The following HELZ variants were observed in gnomAD, a reference collection of about 807,000 sequenced individuals.
HELZ encodes the protein helicase with zinc finger, also known as ATP-dependent RNA helicase with zinc finger domain.
A neutral mutation model predicts 218.2 loss-of-function variants in HELZ; 23 were observed. The ratio of observed to expected loss-of-function variants is 0.11; its 90% CI spans 0.08 to 0.15. HELZ has a LOEUF of 0.15. Ranked by LOEUF, HELZ falls within the 10% of genes least tolerant of loss-of-function variation. HELZ has a pLI of 1.00. For missense variants in HELZ, 1,813 were observed against 2,353.7 expected (o/e 0.77, Z 4.75); for synonymous variants, 814 against 829.4 (o/e 0.98, Z 0.32).
Position 67,123,160 on chromosome 17 carries a change from A to C in HELZ, c.3440T>G (p.Val1147Gly). ...QNDHFQNDGIVQPNPSVLIGN... is the reference protein window; with the variant it reads ...QNDHFQNDGIGQPNPSVLIGN... ...AATAAGTACAGAAGGATTGGGCTGA[A>C]CTGAAAAATAAACAGAAAAAGGATG... is the stretch of plus-strand genomic sequence containing the variant. The change falls in exon 26 of 33, where the codon GTT (valine) becomes GGT (glycine). Residue 1147 changes from valine to glycine, a missense_variant and splice_region_variant. By Grantham distance (109) the Val-to-Gly change is moderately radical. Coordinates refer to ENST00000358691, the MANE Select transcript of HELZ (RefSeq NM_014877.4). The C allele has an allele frequency of 6.2e-7, 1 of 1,602,442 alleles. No individual in the cohort carries two copies. Among genetic ancestry groups the C allele is most frequent in the Non-Finnish European group, 8.5e-7 (1 of 1,171,688 alleles).
In HELZ at chr17:67,123,133, C is replaced by CCAA. The variant is rs1359854035; in HGVS notation, c.3464_3466dup (p.Ile1155_Gly1156insVal). The CCAA allele has an allele frequency of 6.2e-7, 1 of 1,612,772 alleles. No homozygotes were observed. Reference sequence around the variant, plus strand: ...AGGAGTATATGCTCTAATAGGATTGCCAATAAGTACAGAAGGATTGGGCTG... The same window carrying CCAA: ...AGGAGTATATGCTCTAATAGGATTGCCAACAATAAGTACAGAAGGATTGGGCTG... On this transcript the variant is annotated inframe_insertion, in exon 26 of 33. Coordinates refer to ENST00000358691, the MANE Select transcript of HELZ (RefSeq NM_014877.4).
At chr17:67,208,601 C>CT (rs953877456) in intron 5 of HELZ, among the ~76,000 whole-genome samples, 43 of 151,962 alleles carry the variant, frequency 2.8e-4, no homozygotes, top group African/African-American at 8.2e-4. Flanking sequence ...TAGTTTGTAA[C>CT]TGGATCTAAC....
rs1174693903 is a variant in HELZ, at chr17:67,077,291, A to C, written c.*961T>G. The stretch of plus-strand genomic sequence containing the variant: ...CATCAAATAAGGTACCAAAATTTTT[A>C]CTGGAGAGAAAAAAACCCAAACCTT... On this transcript the variant is annotated 3_prime_UTR_variant, in exon 33 of 33. Transcript: ENST00000358691. 2.6e-5 allele frequency: 4 copies of C among 152,614 alleles called. No individual in the cohort carries two copies. The highest frequency in any genetic ancestry group is 4.4e-5 in the Non-Finnish European group (3 of 68,010). 9.5% of individuals were successfully genotyped at this position (152,614 alleles called of 1,614,324 possible).
chr17:67,083,594 C>T (rs2143554976), intron 32 of HELZ, among the ~76,000 whole-genome samples: 1 of 152,332 alleles, frequency 6.6e-6, no homozygotes, highest in South Asian at 2.1e-4. Flanking sequence ...TGCCATTGCA[C>T]TCCAGTCTGG....
At chr17:67,145,645 G>A in intron 21 of HELZ, 98 bp downstream of exon 21, 1 of 828,360 alleles carries the variant, frequency 1.2e-6, no homozygotes. Flanking sequence ...AAGTCAATAT[G>A]CAATACAATG....
At chr17:67,157,222 ATTTC>A (rs1256096097) in intron 17 of HELZ, among the ~76,000 whole-genome samples, 1 of 152,178 alleles carries the variant, frequency 6.6e-6, no homozygotes, top group Non-Finnish European at 1.5e-5. Flanking sequence ...AGTCTCAGGT[ATTTC>A]TTTATAGCAA....
At chr17:67,085,162 T>C (rs373359719) in intron 32 of HELZ, among the ~76,000 whole-genome samples, 1 of 152,076 alleles carries the variant, frequency 6.6e-6, no homozygotes, top group Non-Finnish European at 1.5e-5. Flanking sequence ...CTCATGCCTG[T>C]AATCCCAGCA....
intron 15 of HELZ, among the ~76,000 whole-genome samples, chr17:67,162,066 T>C (rs1199629259): frequency 2.0e-5 from 3 of 152,228 alleles, no homozygotes; most frequent in African/African-American, 7.2e-5. Context: ...GGCTATATTG[T>C]ACTTAAATCA....
intron 13 of HELZ, among the ~76,000 whole-genome samples, chr17:67,169,834 A>T (rs2039257554): frequency 6.6e-6 from 1 of 152,228 alleles, no homozygotes; most frequent in East Asian, 1.9e-4. Context: ...TGTGAAATTA[A>T]CGAGTTACAT....
chr17:67,078,757 C>A (rs1014831826), intron 32 of HELZ, among the ~76,000 whole-genome samples, 171 bp from the exon 33 acceptor site: 4 of 152,176 alleles, frequency 2.6e-5, no homozygotes, highest in Non-Finnish European at 5.9e-5. Flanking sequence ...CACATCCAAC[C>A]AAACGTCCCT....
chr17:67,125,863 G>A lies in HELZ; in HGVS notation c.3388-1849C>T, dbSNP rs546322408. Among the ~76,000 whole-genome samples the A allele has an allele frequency of 3.0e-4, 46 of 152,298 alleles. 2 individuals are homozygous for A. In the East Asian group the frequency reaches 3.7e-3, roughly 12 times the overall value. On this transcript the variant is annotated intron_variant, in intron 24 of 32. Transcript: ENST00000358691. ...CTGGCTGGAATAAGGGAGACGCAGCGGAAGAGGAAGTAAGAGAGATTCCCA... is the reference window on the plus strand; with the variant it reads ...CTGGCTGGAATAAGGGAGACGCAGCAGAAGAGGAAGTAAGAGAGATTCCCA...
chr17:67,174,877 G>C (rs1433418727), intron 13 of HELZ, among the ~76,000 whole-genome samples: 3 of 152,188 alleles, frequency 2.0e-5, no homozygotes, highest in African/African-American at 7.2e-5. Flanking sequence ...TCGGGACCTT[G>C]GGAAATATCC....
intron 18 of HELZ, 57 bp from the exon 19 acceptor site, chr17:67,150,042 G>A: frequency 4.2e-6 from 4 of 962,044 alleles, no homozygotes; most frequent in Non-Finnish European, 6.4e-6. Flanking sequence ...AAAGGCAGAA[G>A]GACTATAGTT....
chr17:67,108,585 G>A lies in HELZ; in HGVS notation c.4631C>T (p.Pro1544Leu). Reference protein sequence around the residue: ...HHHHPHLQHLPQPPLGLHQPP... With the variant: ...HHHHPHLQHLLQPPLGLHQPP... ...CTGATGTAATCCCAGGGGCGGCTGA[G>A]GAAGATGCTGGAGGTGAGGATGGTG... Residue 1544 changes from proline to leucine, a missense_variant, in exon 30 of 33, where the codon CCT (proline) becomes CTT (leucine). Around this residue, in one of 4 missense-constraint regions of HELZ, gnomAD observed 938 missense variants for 1,027.5 expected, o/e 0.91. Transcript: ENST00000358691. This position sits in a 1 kb window ranked among gnomAD's most constrained non-coding sequence, Gnocchi z 4.1. 6 of 1,614,110 alleles carry A rather than the reference G, an allele frequency of 3.7e-6. No individual in the cohort carries two copies. Among genetic ancestry groups the A allele is most frequent in the Non-Finnish European group, 4.2e-6 (5 of 1,179,998 alleles).
At chr17:67,151,355 G>A in intron 17 of HELZ, 131 bp from the exon 18 acceptor site, 1 of 702,848 alleles carries the variant, frequency 1.4e-6, no homozygotes, top group East Asian at 2.8e-5. Flanking sequence ...GTAACCGTTA[G>A]CACTCTATTG....
Position 67,078,091 on chromosome 17 carries a change from A to T in HELZ, c.*161T>A, listed in dbSNP as rs912481126. ...AATGCAAAATAATGGAATATACTTTAAAAAAATTAGTTGCAAGTCTAGCAG... is the reference window on the plus strand; with the variant it reads ...AATGCAAAATAATGGAATATACTTTTAAAAAATTAGTTGCAAGTCTAGCAG... On this transcript the variant is annotated 3_prime_UTR_variant, in exon 33 of 33. Transcript: ENST00000358691. 8.8e-5 allele frequency: 51 copies of T among 579,610 alleles called. No homozygotes were observed. Among genetic ancestry groups the T allele is most frequent in the Non-Finnish European group, 1.4e-4 (47 of 330,814 alleles). The allele number at this position is 579,610 out of a possible 1,614,324, so 35.9% of individuals were successfully genotyped here.
At chr17:67,086,615 A>AGTAAAT (rs2036383088) in intron 32 of HELZ, among the ~76,000 whole-genome samples, 3 of 100,210 alleles carry the variant, frequency 3.0e-5, no homozygotes, top group African/African-American at 1.3e-4. Context: ...TATATATATA[A>AGTAAAT]ATAAATATAA....
intron 1 of HELZ, chr17:67,244,718 G>C (rs989553527): frequency 7.1e-6 from 7 of 984,770 alleles, no homozygotes; most frequent in African/African-American, 3.5e-5. Context: ...GAGGCCTGAG[G>C]GGGGGCATCG....
intron 5 of HELZ, among the ~76,000 whole-genome samples, chr17:67,211,860 A>G (rs2040459683): frequency 6.6e-6 from 1 of 151,876 alleles, no homozygotes; most frequent in Admixed American, 6.6e-5. Context: ...AACTGTCTCA[A>G]AAAAAGAAGA....
Sources: gnomAD v4.1 joint callset for allele counts (sites outside exome capture counted in the v4.1 genomes callset) on GRCh38, gnomAD v4.1.1 for gene constraint, gnomAD v4.1.1 regional missense constraint, Gnocchi (gnomAD v3.1) non-coding constraint, MANE v1.5 for transcripts, NCBI Gene and HGNC (gene_info 2026-07-23, HGNC 2026-07-21) for gene names.